Variants in PUDP observed in about 807,000 individuals in gnomAD.
PUDP encodes the protein pseudouridine-5'-phosphatase.
Under a neutral mutation model 9.4 loss-of-function variants are expected in PUDP, and 8 were observed. The ratio of observed to expected loss-of-function variants is 0.85; its 90% CI spans 0.50 to 1.53. PUDP has a LOEUF of 1.53. PUDP is among the 40% of genes most tolerant of loss of function. The pLI is 0.00. For missense variants in PUDP, 188 were observed against 189.7 expected (o/e 0.99, Z 0.05); for synonymous variants, 99 against 80.7 (o/e 1.23, Z -1.22).
chrX:7,001,702 T>G (rs1237744389), intron 1 of PUDP, among the ~76,000 whole-genome samples: 1 of 111,084 alleles, frequency 9.0e-6, no homozygotes, highest in East Asian at 2.8e-4. Context: ...GGAAAGAGAT[T>G]TTCTGATGTG....
chrX:7,082,418 T>C (rs1470178378), intron 2 of PUDP, among the ~76,000 whole-genome samples: 2 of 112,356 alleles, frequency 1.8e-5, no homozygotes, highest in African/African-American at 6.5e-5. Flanking sequence ...AGCCTGAACA[T>C]TCTCTGTACT....
At chrX:6,739,713 T>A (rs1174473253) in intron 3 of PUDP, among the ~76,000 whole-genome samples, 1 of 112,163 alleles carries the variant, frequency 8.9e-6, no homozygotes, top group African/African-American at 3.2e-5. Context: ...ACTATGTGAT[T>A]TAGATAGAGG....
intron 3 of PUDP, among the ~76,000 whole-genome samples, chrX:6,752,827 G>C (rs1326136086): frequency 1.8e-5 from 2 of 111,594 alleles, no homozygotes; most frequent in East Asian, 2.8e-4. Context: ...CATATGGTTG[G>C]TCACCTAATA....
Position 6,890,752 on chromosome X carries a change from C to T in PUDP, c.*247+86381G>A, listed in dbSNP as rs182096748. Among the ~76,000 whole-genome samples the T allele has an allele frequency of 5.6e-3, 610 of 108,582 alleles. 6 individuals carry two copies. The highest frequency in any genetic ancestry group is 0.02 in the African/African-American group (587 of 29,728). The allele number at this position is 108,582 out of a possible 115,157, so 94.3% of individuals were successfully genotyped here. ...TCAGGATGAGTCATAGTGCTGTTGGCTGTGGAGTCCACGTGAATAAATCAA... is the reference window on the plus strand; with the variant it reads ...TCAGGATGAGTCATAGTGCTGTTGGTTGTGGAGTCCACGTGAATAAATCAA... On this transcript the variant is annotated intron_variant and NMD_transcript_variant, in intron 3 of 3. Transcript: ENST00000655425.
intron 3 of PUDP, among the ~76,000 whole-genome samples, chrX:6,733,375 G>A (rs919559270): frequency 1.8e-5 from 2 of 111,489 alleles, no homozygotes; most frequent in African/African-American, 3.3e-5. Flanking sequence ...TAGGGGCATC[G>A]GCAGGAGGAA....
intron 3 of PUDP, among the ~76,000 whole-genome samples, chrX:6,786,049 T>G (rs1203969109): frequency 9.0e-6 from 1 of 111,515 alleles, no homozygotes; most frequent in African/African-American, 3.3e-5. Flanking sequence ...CCCAACCACC[T>G]CCAGTAATAC....
At chrX:7,097,370 TGGAATCCTCCACA>T (rs763956543) in intron 2 of PUDP, among the ~76,000 whole-genome samples, 1 of 112,003 alleles carries the variant, frequency 8.9e-6, no homozygotes, top group Non-Finnish European at 1.9e-5. Context: ...ACTGGCTGAC[TGGAATCCTCCACA>T]GGTGCTGTTT....
intron 1 of PUDP, among the ~76,000 whole-genome samples, chrX:7,006,993 C>A (rs2146812356): frequency 9.0e-6 from 1 of 111,656 alleles, no homozygotes; most frequent in East Asian, 2.8e-4. Context: ...TTGGTTTCCC[C>A]ATGCTACTGA....
intron 3 of PUDP, among the ~76,000 whole-genome samples, chrX:6,829,742 G>A (rs755398302): frequency 3.6e-4 from 40 of 111,463 alleles, no homozygotes; most frequent in Non-Finnish European, 6.8e-4. Flanking sequence ...TGCTTTTTAA[G>A]ACAGAATATT....
intron 1 of PUDP, among the ~76,000 whole-genome samples, chrX:7,038,944 T>C (rs1230840794): frequency 2.1e-4 from 23 of 111,489 alleles, no homozygotes; most frequent in African/African-American, 7.2e-4. Flanking sequence ...TATTTATTTA[T>C]TGATTGATGG....
intron 3 of PUDP, among the ~76,000 whole-genome samples, chrX:6,901,632 G>A (rs2146752328): frequency 8.9e-6 from 1 of 112,191 alleles, no homozygotes; most frequent in South Asian, 3.7e-4. Flanking sequence ...CTGAAAAATA[G>A]CGATAACAAT....
intron 3 of PUDP, among the ~76,000 whole-genome samples, chrX:6,882,724 T>C (rs1276143605): frequency 9.1e-6 from 1 of 110,306 alleles, no homozygotes; most frequent in East Asian, 2.9e-4. Flanking sequence ...GGAACAAAGA[T>C]GGAAATATGG....
intron 3 of PUDP, among the ~76,000 whole-genome samples, chrX:6,837,891 CA>C (rs60159618): frequency 1.3e-3 from 126 of 98,747 alleles, no homozygotes; most frequent in East Asian, 2.5e-3. Flanking sequence ...CTATTTCTAC[CA>C]AAAAAAAAAA....
At chrX:7,146,363 T>C (rs1932859131) in intron 1 of PUDP, among the ~76,000 whole-genome samples, 1 of 112,011 alleles carries the variant, frequency 8.9e-6, no homozygotes, top group Admixed American at 9.4e-5. Context: ...TTGTTTGGTA[T>C]TAAAATTCAT....
chrX:6,945,011 G>A (rs992609544), intron 3 of PUDP, among the ~76,000 whole-genome samples: 21 of 111,981 alleles, frequency 1.9e-4, no homozygotes, highest in African/African-American at 6.5e-4. Flanking sequence ...ACCGACGTAT[G>A]GCCTCCATGT....
intron 3 of PUDP, among the ~76,000 whole-genome samples, chrX:6,908,945 C>G (rs1336121665): frequency 9.0e-6 from 1 of 111,284 alleles, no homozygotes; most frequent in Non-Finnish European, 1.9e-5. Flanking sequence ...CCAAGAGATT[C>G]TTGTGCCTGG....
intron 1 of PUDP, among the ~76,000 whole-genome samples, chrX:7,015,152 C>G (rs972565185): frequency 1.7e-4 from 19 of 111,884 alleles, no homozygotes; most frequent in African/African-American, 5.9e-4. Context: ...AACCAACTAA[C>G]AAAAGGAAGA....
At chrX:6,949,790 C>T (rs1291114897) in intron 3 of PUDP, among the ~76,000 whole-genome samples, 1 of 112,116 alleles carries the variant, frequency 8.9e-6, no homozygotes, top group Non-Finnish European at 1.9e-5. Flanking sequence ...GCTTAGCCCA[C>T]TAAGTATCTT....
At chrX:6,983,790 C>A (rs1479270544) in intron 1 of PUDP, among the ~76,000 whole-genome samples, 1 of 112,402 alleles carries the variant, frequency 8.9e-6, no homozygotes. Context: ...CAGGAAATAT[C>A]CTCTCCATAG....
Sources: allele counts gnomAD v4.1 joint callset (sites outside exome capture counted in the v4.1 genomes callset), GRCh38; gene constraint gnomAD v4.1.1; transcripts MANE v1.5; gene names NCBI Gene and HGNC (gene_info 2026-07-23, HGNC 2026-07-21).